Variants in BRF1 observed in about 807,000 individuals in gnomAD.
BRF1 encodes transcription factor IIIB 90 kDa subunit.
In BRF1, 59 loss-of-function variants were observed where a neutral mutation model predicts 81.7. The ratio of observed to expected loss-of-function variants is 0.72; its 90% confidence interval spans 0.59 to 0.90. The LOEUF (loss-of-function observed/expected upper bound fraction) is 0.90. BRF1 is among the 40% of genes least tolerant of loss of function. The pLI is 0.00. For missense variants in BRF1, 1,050 were observed against 936.3 expected (o/e 1.12, Z -1.58); for synonymous variants, 491 against 395.6 (o/e 1.24, Z -2.86).
chr14:105,310,200 C>G (rs114831691), intron 1 of BRF1, among the ~76,000 whole-genome samples: 2,138 of 151,994 alleles, frequency 0.014, 54 homozygotes, highest in African/African-American at 0.049. Flanking sequence ...TTTTAGTGGT[C>G]TTATGGACTT....
chr14:105,248,468 T>A (rs1321569890), intron 5 of BRF1: 13 of 984,338 alleles, frequency 1.3e-5, no homozygotes, highest in Non-Finnish European at 1.4e-5. Context: ...TCGAGCAGCT[T>A]CGAGGATGTC....
intron 7 of BRF1, 49 bp downstream of exon 7, chr14:105,228,771 C>G (rs750426723): frequency 1.2e-6 from 2 of 1,602,994 alleles, no homozygotes; most frequent in Admixed American, 1.7e-5. Context: ...CTGAGCTGGA[C>G]TGATGAAGCC....
chr14:105,260,774 A>T (rs1387986156), intron 3 of BRF1, among the ~76,000 whole-genome samples: 1 of 152,260 alleles, frequency 6.6e-6, no homozygotes, highest in Non-Finnish European at 1.5e-5. Context: ...CTTTCCTTGA[A>T]ATGAAAATCA....
chr14:105,252,048 A>T (rs2816607), intron 5 of BRF1, among the ~76,000 whole-genome samples: 30,997 of 152,046 alleles, frequency 0.2, 3,829 homozygotes, highest in Middle Eastern at 0.27. Flanking sequence ...ATCTGTCCAG[A>T]GGCACCTGGA....
rs1229748163 is a variant in BRF1 at position 105,256,542 on chromosome 14, G to A, written c.447C>T (p.Leu149=). The A allele has an allele frequency of 3.7e-6, 6 of 1,613,784 alleles. No homozygotes were observed. The African/African-American group carries it at 5.3e-5, about 14-fold the overall frequency. ...VCRTEGTPHM[L]LDLSDLLQVN... is the part of the protein sequence containing the mutation. ...CCTGGAGCAGGTCGCTGAGGTCCAG[G>A]AGCATGTCTGCAGCAGGAGTCAAGG... The change falls in exon 4 of 18, where the codon CTC becomes CTT. Residue 149 remains leucine, a synonymous_variant. Transcript: ENST00000547530.
intron 5 of BRF1, chr14:105,248,981 CCCCGCGCCAGCGCCGCCGCCG>C (rs887225744): frequency 7.2e-5 from 71 of 986,228 alleles, no homozygotes; most frequent in South Asian, 9.0e-5. Flanking sequence ...CGCCCAGCGC[CCCCGCGCCAGCGCCGCCGCCG>C]CCCGCGCCCG....
At chr14:105,264,744 G>A (rs1053532356) in intron 3 of BRF1, among the ~76,000 whole-genome samples, 3 of 151,554 alleles carry the variant, frequency 2.0e-5, no homozygotes, top group African/African-American at 7.2e-5. Flanking sequence ...TGGAGGCTGA[G>A]GTGAGAGGAT....
At chr14:105,249,718 C>T in intron 5 of BRF1, 1 of 1,613,874 alleles carries the variant, frequency 6.2e-7, no homozygotes, top group Non-Finnish European at 8.5e-7. Context: ...AGTACATCGT[C>T]CCAGCATTGG....
intron 2 of BRF1, among the ~76,000 whole-genome samples, chr14:105,285,505 C>T (rs1296167588): frequency 6.6e-6 from 1 of 152,214 alleles, no homozygotes; most frequent in Admixed American, 6.5e-5. Context: ...CATGCAAACG[C>T]TGACTCAATA....
At position 105,217,331 on chromosome 14, in the gene BRF1, C is replaced by G. The variant is rs587712373; in HGVS notation, c.1772+213G>C. ...AGGACCCCCCTGACAGCTGGACCCG[C>G]CCGTCCGCTCACAGCCTGCCAGGCC... On this transcript the variant is annotated intron_variant, in intron 15 of 17. Coordinates refer to ENST00000547530, the MANE Select transcript of BRF1 (RefSeq NM_001519.4). 850 of 728,676 alleles carry G rather than the reference C, an allele frequency of 1.2e-3. 3 individuals are homozygous for G. Among genetic ancestry groups the G allele is most frequent in the Middle Eastern group, 8.7e-3 (22 of 2,542 alleles). The allele number at this position is 728,676 out of a possible 1,614,324, so 45.1% of individuals were successfully genotyped here. A position where few individuals can be genotyped will look rare whatever the true frequency, so the allele number is the denominator to read the frequency against.
At chr14:105,258,980 C>T (rs184253576) in intron 3 of BRF1, among the ~76,000 whole-genome samples, 8 of 152,280 alleles carry the variant, frequency 5.3e-5, no homozygotes, top group Admixed American at 2.0e-4. Context: ...GAGCCCGCGA[C>T]GTCACTGAAT....
At chr14:105,278,112 A>G (rs888200614) in intron 2 of BRF1, among the ~76,000 whole-genome samples, 19 of 152,184 alleles carry the variant, frequency 1.2e-4, no homozygotes, top group African/African-American at 4.1e-4. Flanking sequence ...AGCTAGCCAT[A>G]GCCTGCGAGT....
intron 10 of BRF1, among the ~76,000 whole-genome samples, chr14:105,224,521 C>T (rs1156368293): frequency 3.9e-5 from 6 of 152,204 alleles, no homozygotes; most frequent in African/African-American, 1.4e-4. Flanking sequence ...GTTGGCAAAA[C>T]TCATCTTAAA....
At chr14:105,248,128 C>T in intron 5 of BRF1, 1 of 985,492 alleles carries the variant, frequency 1.0e-6, no homozygotes, top group South Asian at 4.7e-5. Context: ...GCGCCTGCCC[C>T]TGTAAAGCCC....
rs3825758 is a variant in BRF1 at position 105,261,939 on chromosome 14, C to T, written c.440-5390G>A. Among the ~76,000 whole-genome samples, 502 of 152,158 alleles carry T rather than the reference C, an allele frequency of 3.3e-3. 3 individuals carry two copies. The highest frequency in any genetic ancestry group is 0.014 in the East Asian group (74 of 5,182). On this transcript the variant is annotated intron_variant, in intron 3 of 17. Transcript: ENST00000547530. The stretch of plus-strand genomic sequence containing the variant: ...CCAGTGCCACTCCCCTTCTGCAGGC[C>T]CCCCCTGCTCTGAGTGCTCCTCACC...
At chr14:105,221,187 G>C (rs1371833766) in intron 11 of BRF1, among the ~76,000 whole-genome samples, 1 of 152,224 alleles carries the variant, frequency 6.6e-6, no homozygotes, top group African/African-American at 2.4e-5. Flanking sequence ...AGAGCTCCCA[G>C]CCAAATGGGC....
At chr14:105,299,950 C>T (rs2057917791) in intron 1 of BRF1, among the ~76,000 whole-genome samples, 1 of 152,258 alleles carries the variant, frequency 6.6e-6, no homozygotes, top group African/African-American at 2.4e-5. Context: ...TGGCCACAGT[C>T]CAGCTCCTTC....
intron 16 of BRF1, chr14:105,211,705 G>A: frequency 2.9e-6 from 1 of 347,660 alleles, no homozygotes; most frequent in Non-Finnish European, 5.3e-6. Context: ...CCACCTGCCA[G>A]CACCTTCACC....
intron 15 of BRF1, among the ~76,000 whole-genome samples, chr14:105,216,806 G>A (rs914523549): frequency 1.2e-4 from 18 of 152,228 alleles, no homozygotes; most frequent in Admixed American, 5.2e-4. Context: ...GACACACCCA[G>A]CCCGGAGACT....
Sources: allele counts gnomAD v4.1 joint callset (sites outside exome capture counted in the v4.1 genomes callset), GRCh38; gene constraint gnomAD v4.1.1; transcripts MANE v1.5; gene names NCBI Gene and HGNC (gene_info 2026-07-23, HGNC 2026-07-21).